Variants in ITSN1 observed in about 807,000 individuals in gnomAD.
ITSN1 encodes intersectin 1.
In ITSN1, 58 loss-of-function variants were observed where a neutral mutation model predicts 239.8. That is an observed-to-expected ratio of 0.24 (90% confidence interval 0.20 to 0.30). ITSN1 has a LOEUF of 0.30. Among genes scored for constraint, ITSN1 ranks in the 10% least tolerant of loss-of-function variants. ITSN1 has a pLI of 1.00. For missense variants in ITSN1, 1,558 were observed against 2,103.3 expected, an observed-to-expected ratio of 0.74 and a Z score of 5.07; for synonymous variants, 780 against 770.8, an observed-to-expected ratio of 1.01 and a Z score of -0.20.
intron 18 of ITSN1, 56 bp from the exon 19 acceptor site, chr21:33,799,752 A>G: frequency 1.9e-6 from 3 of 1,589,954 alleles, no homozygotes; most frequent in Non-Finnish European, 1.7e-6. Flanking sequence ...GTTGTCATAC[A>G]TTTGTGTTCT....
Position 33,875,474 on chromosome 21 carries a change from C to A in ITSN1, c.4294C>A (p.Arg1432=). The A allele has an allele frequency of 6.2e-7, 1 of 1,614,110 alleles. No homozygotes were observed. Among genetic ancestry groups the A allele is most frequent in the South Asian group, 1.1e-5 (1 of 91,080 alleles). Residue 1432 remains arginine (R), a synonymous_variant, in exon 34 of 40, where the codon CGG becomes AGG. Coordinates refer to ENST00000381318, the MANE Select transcript of ITSN1 (RefSeq NM_003024.3). ...GGTGCGGGAGAAGGAGAACTCTGAC[C>A]GGCTGGAGTGGATCCAGGCCCACGT... ...EGVREKENSD[R]LEWIQAHVQC...
rs143442977 is a variant in ITSN1 at position 33,674,107 on chromosome 21, C to T, written c.-33+31394C>T. ...TTTGTATTTAATGTGTTCCTTGAGG[C>T]AGCCAGGTGTATTTACCTCAGAACT... On this transcript the variant is annotated intron_variant, in intron 1 of 39. Transcript: ENST00000381318. 7.2e-5 allele frequency among the ~76,000 whole-genome samples: 11 copies of T among 152,280 alleles called. No homozygotes were observed. The East Asian group carries it at 2.1e-3, about 29-fold the overall frequency.
intron 1 of ITSN1, among the ~76,000 whole-genome samples, chr21:33,656,200 T>A (rs10854365): frequency 0.6 from 91,028 of 151,724 alleles, 27,555 homozygotes; most frequent in East Asian, 0.72. Flanking sequence ...GCCTTGGGTC[T>A]ACCTTTTCCC....
At chr21:33,696,258 A>G (rs1484791277) in intron 1 of ITSN1, among the ~76,000 whole-genome samples, 1 of 152,166 alleles carries the variant, frequency 6.6e-6, no homozygotes, top group Non-Finnish European at 1.5e-5. Flanking sequence ...GGTAGCCAGC[A>G]TCTATGTGTG....
At chr21:33,802,389 A>G in intron 19 of ITSN1, 41 bp from the exon 20 acceptor site, 1 of 1,600,298 alleles carries the variant, frequency 6.2e-7, no homozygotes, top group Non-Finnish European at 8.6e-7. Flanking sequence ...CATTAAACAT[A>G]TATTTTGCCT....
chr21:33,883,580 T>C lies in ITSN1; in HGVS notation c.4585T>C (p.Leu1529=). The change falls in exon 36 of 40, where the codon TTA becomes CTA. Residue 1529 remains leucine, a synonymous_variant. Coordinates refer to ENST00000381318, the MANE Select transcript of ITSN1 (RefSeq NM_003024.3). ...TTTCCTAAATGAGGTTCTAGTAAAA[T>C]TACCCACCGACCCTTCTGGAGACGA... ...PIFLNEVLVK[L]PTDPSGDEPI... 1 of 1,613,798 alleles carries C rather than the reference T, an allele frequency of 6.2e-7. No individual in the cohort carries two copies. Among genetic ancestry groups the C allele is most frequent in the Non-Finnish European group, 8.5e-7 (1 of 1,179,768 alleles).
intron 29 of ITSN1, among the ~76,000 whole-genome samples, chr21:33,851,752 T>G (rs1332651186): frequency 6.8e-6 from 1 of 147,832 alleles, no homozygotes; most frequent in African/African-American, 2.5e-5. Context: ...TTTTCTCGTT[T>G]TTTTTCTTTT....
chr21:33,796,459 T>C (rs2071569374), intron 17 of ITSN1, among the ~76,000 whole-genome samples: 2 of 152,222 alleles, frequency 1.3e-5, no homozygotes, highest in African/African-American at 4.8e-5. Flanking sequence ...TTTTTGACAA[T>C]GGAGAATAAA....
intron 24 of ITSN1, among the ~76,000 whole-genome samples, chr21:33,822,519 C>T (rs1383395480): frequency 1.3e-5 from 2 of 152,094 alleles, no homozygotes; most frequent in Admixed American, 6.5e-5. Flanking sequence ...AATCTTTTAT[C>T]CTGTACCTAG....
chr21:33,787,179 G>A (rs374187228), intron 16 of ITSN1, among the ~76,000 whole-genome samples: 1 of 152,168 alleles, frequency 6.6e-6, no homozygotes, highest in Non-Finnish European at 1.5e-5. Context: ...GTATACTGTA[G>A]TCTTGTCTTT....
chr21:33,761,551 G>A (rs910560850), intron 8 of ITSN1, among the ~76,000 whole-genome samples: 2 of 152,054 alleles, frequency 1.3e-5, no homozygotes, highest in South Asian at 2.1e-4. Context: ...TGGTAGCAGC[G>A]GCAAAAGATG....
chr21:33,845,189 T>G, intron 29 of ITSN1, among the ~76,000 whole-genome samples: 1 of 151,124 alleles, frequency 6.6e-6, no homozygotes, highest in East Asian at 2.0e-4. Context: ...AGAGCATGAC[T>G]GGGGGCCAGG....
rs1260485260 is a variant in ITSN1 at position 33,811,195 on chromosome 21, C to G, written c.2540C>G (p.Pro847Arg). 6.2e-7 allele frequency: 1 copy of G among 1,602,298 alleles called. No homozygotes were observed. Among genetic ancestry groups the G allele is most frequent in the Non-Finnish European group, 8.5e-7 (1 of 1,172,926 alleles). Residue 847 changes from proline (P) to arginine (R), a missense_variant, in exon 21 of 40, where the codon CCT becomes CGT. Physicochemically the swap from Pro to Arg is moderately radical, Grantham distance 103 (BLOSUM62 -2). Transcript: ENST00000381318. The stretch of plus-strand genomic sequence containing the variant: ...ACCTCTTCAGAGCCCTCCACGACCC[C>G]TAATAACTGGGCCGACTTCAGCTCC... ...AVTSSEPSTT[P>R]NNWADFSSTW...
At chr21:33,869,292 C>T (rs571834911) in intron 33 of ITSN1, among the ~76,000 whole-genome samples, 1 of 152,290 alleles carries the variant, frequency 6.6e-6, no homozygotes, top group South Asian at 2.1e-4. Context: ...CAAACACATC[C>T]TTCTTCACAT....
intron 24 of ITSN1, among the ~76,000 whole-genome samples, chr21:33,819,566 A>G (rs1211309278): frequency 6.6e-6 from 1 of 152,230 alleles, no homozygotes; most frequent in Non-Finnish European, 1.5e-5. Context: ...TGACTTTTAA[A>G]AGAGACCCAT....
At chr21:33,885,383 T>C in intron 37 of ITSN1, 56 bp from the exon 38 acceptor site, 1 of 1,472,310 alleles carries the variant, frequency 6.8e-7, no homozygotes, top group African/African-American at 1.4e-5. Flanking sequence ...CTCACAGAGA[T>C]GGGAAAGGTG....
intron 1 of ITSN1, among the ~76,000 whole-genome samples, chr21:33,708,304 CTT>C (rs200070414): frequency 6.6e-6 from 1 of 151,026 alleles, no homozygotes; most frequent in African/African-American, 2.5e-5. Context: ...TTGTGGTTTG[CTT>C]TTTTGTTTTC....
intron 14 of ITSN1, among the ~76,000 whole-genome samples, chr21:33,779,126 G>A (rs1465718382): frequency 7.2e-6 from 1 of 139,276 alleles, no homozygotes; most frequent in Non-Finnish European, 1.6e-5. Flanking sequence ...TTTTTTTTTA[G>A]TAAGCCCTTG....
At chr21:33,756,579 A>C (rs1387297612) in intron 8 of ITSN1, among the ~76,000 whole-genome samples, 2 of 152,208 alleles carry the variant, frequency 1.3e-5, no homozygotes, top group East Asian at 3.9e-4. Context: ...TAAAAATGTC[A>C]GAGTTGGACG....
Sources: gnomAD v4.1 joint callset for allele counts (sites outside exome capture counted in the v4.1 genomes callset) on GRCh38, gnomAD v4.1.1 for gene constraint, MANE v1.5 for transcripts, NCBI Gene and HGNC (gene_info 2026-07-23, HGNC 2026-07-21) for gene names.